Variants in ESR1 observed in about 807,000 individuals in gnomAD.
ESR1 encodes estrogen receptor.
In ESR1, 12 loss-of-function variants were observed where a neutral mutation model predicts 52.7. That is an observed-to-expected ratio of 0.23 (90% CI 0.15 to 0.37). The LOEUF is 0.37. ESR1 is among the 10% of genes least tolerant of loss of function. The probability of loss-of-function intolerance (pLI) is 1.00; values close to 1 mark genes in which losing one functional copy is unlikely to be tolerated. For synonymous variants in ESR1, 305 were observed against 316.8 expected (o/e 0.96, Z 0.39); for missense variants, 584 against 779.7 (o/e 0.75, Z 2.99).
intron 2 of ESR1, among the ~76,000 whole-genome samples, chr6:151,718,216 C>A (rs1433957411): frequency 6.6e-6 from 1 of 151,974 alleles, no homozygotes; most frequent in Non-Finnish European, 1.5e-5. Flanking sequence ...AAAGATATAC[C>A]TTCTTGTCTA....
chr6:151,908,889 T>C lies in ESR1; in HGVS notation c.760+28118T>C, dbSNP rs1440005719. 2.6e-5 allele frequency among the ~76,000 whole-genome samples: 4 copies of C among 152,108 alleles called. No individual in the cohort carries two copies. In the East Asian group the frequency reaches 7.7e-4, roughly 29 times the overall value. ...ATGTTTAAAGCAATTTTTTTTTTTT[T>C]TCATAGCAAGGAGTCCCACTGCCAT... On this transcript the variant is annotated intron_variant, in intron 3 of 7. Transcript: ENST00000206249.
chr6:151,985,533 A>AAAAAAAAAC (rs1190649006), intron 4 of ESR1, among the ~76,000 whole-genome samples: 1 of 105,438 alleles, frequency 9.5e-6, no homozygotes, highest in East Asian at 2.8e-4. Context: ...AAAAAAAAAA[A>AAAAAAAAAC]CACAAACAAA....
At chr6:151,687,228 G>A (rs1036206993), upstream of ESR1, among the ~76,000 whole-genome samples, 19 of 152,210 alleles carry the variant, frequency 1.2e-4, no homozygotes, top group African/African-American at 2.4e-4. Flanking sequence ...TGAAGTGGGC[G>A]TAGGGTGGGG....
chr6:152,029,490 G>A (rs944204544), intron 5 of ESR1, among the ~76,000 whole-genome samples: 3 of 152,178 alleles, frequency 2.0e-5, no homozygotes, highest in Non-Finnish European at 2.9e-5. Context: ...ACTATGTGAC[G>A]AATGCACAAG....
chr6:151,895,836 C>A (rs571944975), intron 3 of ESR1, among the ~76,000 whole-genome samples: 52 of 152,210 alleles, frequency 3.4e-4, no homozygotes, highest in African/African-American at 1.2e-3. Context: ...GAGTTTTGCT[C>A]TTGTTGCCCA....
At chr6:151,703,427 A>C (rs1779945464) in intron 2 of ESR1, among the ~76,000 whole-genome samples, 2 of 152,210 alleles carry the variant, frequency 1.3e-5, no homozygotes, top group South Asian at 4.2e-4. Context: ...CGCCCCGTGA[A>C]ACTCCTCTGG....
intron 5 of ESR1, among the ~76,000 whole-genome samples, chr6:152,013,340 G>A (rs538120906): frequency 6.6e-5 from 10 of 152,094 alleles, no homozygotes; most frequent in South Asian, 4.2e-4. Flanking sequence ...TAGACCACAC[G>A]TAACATTTCC....
chr6:151,787,479 T>A (rs894395525), intron 2 of ESR1, among the ~76,000 whole-genome samples: 1 of 152,212 alleles, frequency 6.6e-6, no homozygotes, highest in African/African-American at 2.4e-5. Flanking sequence ...TTCATGAGCA[T>A]GGAATGTTTT....
At chr6:151,864,632 T>C (rs1789517057) in intron 2 of ESR1, among the ~76,000 whole-genome samples, 1 of 152,126 alleles carries the variant, frequency 6.6e-6, no homozygotes, top group Admixed American at 6.6e-5. Flanking sequence ...TAAAGACACA[T>C]GCACACGTAT....
chr6:151,838,789 TC>T (rs1172945121), intron 1 of ESR1, among the ~76,000 whole-genome samples: 1 of 152,192 alleles, frequency 6.6e-6, no homozygotes, highest in Non-Finnish European at 1.5e-5. Flanking sequence ...CCATGTAGTT[TC>T]CCCGTCTTCT....
intron 6 of ESR1, among the ~76,000 whole-genome samples, chr6:152,083,663 C>G (rs1021444964): frequency 6.6e-6 from 1 of 152,192 alleles, no homozygotes; most frequent in Non-Finnish European, 1.5e-5. Flanking sequence ...TCAGAGTGAA[C>G]AGGCAACCTA....
chr6:151,662,406 G>A (rs745408871), intron 1 of ESR1, among the ~76,000 whole-genome samples: 1 of 152,086 alleles, frequency 6.6e-6, no homozygotes, highest in African/African-American at 2.4e-5. Context: ...AATGGGGCAG[G>A]TACCATTATT....
intron 2 of ESR1, among the ~76,000 whole-genome samples, chr6:151,759,831 C>T (rs1266489531): frequency 6.6e-6 from 1 of 152,198 alleles, no homozygotes; most frequent in Non-Finnish European, 1.5e-5. Flanking sequence ...TACAGCTTTG[C>T]TTCTCTGATC....
chr6:151,863,550 C>T (rs1420848707), intron 2 of ESR1, among the ~76,000 whole-genome samples: 5 of 152,080 alleles, frequency 3.3e-5, no homozygotes, highest in South Asian at 2.1e-4. Context: ...TGGGCTGAGA[C>T]GATGGAGTTT....
chr6:151,910,628 G>T (rs1171224662), intron 3 of ESR1, among the ~76,000 whole-genome samples: 2 of 152,148 alleles, frequency 1.3e-5, no homozygotes, highest in African/African-American at 4.8e-5. Flanking sequence ...TCAAGCTGTA[G>T]TTAATGGGCC....
chr6:151,841,267 C>G (rs1392197424), intron 1 of ESR1, among the ~76,000 whole-genome samples: 1 of 152,196 alleles, frequency 6.6e-6, no homozygotes, highest in East Asian at 1.9e-4. Flanking sequence ...CTTCAGCTGC[C>G]ACCCTATCTG....
chr6:151,929,985 T>C (rs191251916), intron 3 of ESR1, among the ~76,000 whole-genome samples: 1 of 152,002 alleles, frequency 6.6e-6, no homozygotes, highest in South Asian at 2.1e-4. Flanking sequence ...TAACTATACT[T>C]CTTTTTTTTT....
At chr6:152,096,583 T>C in intron 7 of ESR1, 1 of 453,792 alleles carries the variant, frequency 2.2e-6, no homozygotes, top group Non-Finnish European at 4.4e-6. Context: ...AACAAATGGC[T>C]CATGGCAGGC....
At chr6:151,812,623 A>G (rs1778993910) in intron 1 of ESR1, among the ~76,000 whole-genome samples, 1 of 152,176 alleles carries the variant, frequency 6.6e-6, no homozygotes, top group Non-Finnish European at 1.5e-5. Context: ...TGACTTCATT[A>G]TTATTTTTAA....
Sources: gnomAD v4.1 joint callset for allele counts (sites outside exome capture counted in the v4.1 genomes callset) on GRCh38, gnomAD v4.1.1 for gene constraint, MANE v1.5 for transcripts, NCBI Gene and HGNC (gene_info 2026-07-23, HGNC 2026-07-21) for gene names.